RYR3: variants seen among roughly 807,000 people sequenced by gnomAD.
RYR3 encodes the protein ryanodine receptor 3.
A neutral mutation model predicts 584.3 loss-of-function variants in RYR3; 207 were observed. That is an observed-to-expected ratio of 0.35 (90% confidence interval 0.32 to 0.40). The LOEUF (loss-of-function observed/expected upper bound fraction) is 0.40, where lower values mean the gene tolerates loss of function less well. RYR3 is among the 10% of genes least tolerant of loss of function. The pLI, the probability that RYR3 is intolerant of heterozygous loss-of-function variation, is 1.00. For synonymous variants in RYR3, 2,416 were observed against 2,248.5 expected, an observed-to-expected ratio of 1.07 and a Z score of -2.11; for missense variants, 5,616 against 6,089.2, an observed-to-expected ratio of 0.92 and a Z score of 2.59.
chr15:33,505,458 A>G (rs972242281), intron 3 of RYR3, among the ~76,000 whole-genome samples: 3 of 152,250 alleles, frequency 2.0e-5, no homozygotes, highest in East Asian at 1.9e-4. Context: ...AGCATCTTAT[A>G]TCTTCCACAT....
Position 33,662,937 on chromosome 15 carries a change from G to C in RYR3, c.5407G>C (p.Val1803Leu), listed in dbSNP as rs377018905. 1.8e-4 allele frequency: 287 copies of C among 1,611,810 alleles called. No individual in the cohort carries two copies. Among genetic ancestry groups the C allele is most frequent in the Non-Finnish European group, 2.1e-4 (247 of 1,178,980 alleles). ...GLLQTRLPES[V>L]KLQMCELLSY... is the part of the protein sequence containing the mutation. ...GTTGCAGACTCGATTACCCGAATCC[G>C]TCAAGCTGCAGGTAAGCTGCAGGTG... The change falls in exon 35 of 104, where the codon GTC (valine) becomes CTC (leucine). Residue 1803 changes from valine to leucine, a missense_variant. This residue lies in a region of RYR3 where 753 missense variants were observed against 741.0 expected (regional missense o/e 1.02). Transcript: ENST00000634891.
At chr15:33,784,476 A>C (rs2074582780) in intron 65 of RYR3, among the ~76,000 whole-genome samples, 1 of 152,258 alleles carries the variant, frequency 6.6e-6, no homozygotes, top group African/African-American at 2.4e-5. Flanking sequence ...ATGTATGAGA[A>C]CTTTGCATTT....
intron 1 of RYR3, among the ~76,000 whole-genome samples, chr15:33,445,625 C>A (rs1294521146): frequency 6.8e-6 from 1 of 146,716 alleles, no homozygotes. Flanking sequence ...CTCCTCATCC[C>A]ATTTTTCTAC....
chr15:33,380,173 C>T (rs1667170199), intron 1 of RYR3, among the ~76,000 whole-genome samples: 1 of 152,184 alleles, frequency 6.6e-6, no homozygotes, highest in Non-Finnish European at 1.5e-5. Context: ...TACCAGCCAT[C>T]TAGGCCTCCT....
chr15:33,662,170 A>T lies in RYR3; in HGVS notation c.4640A>T (p.Glu1547Val), dbSNP rs1487780532. The T allele has an allele frequency of 6.3e-7, 1 of 1,598,854 alleles. No individual in the cohort carries two copies. ...PEENRCVDIL[E>V]LCEQEDLMRF... is the part of the protein sequence containing the mutation. ...GTCCTCAGGTGTGTGGATATCCTGG[A>T]GCTCTGTGAGCAGGAGGACCTGATG... Residue 1547 changes from glutamate to valine, a missense_variant, in exon 35 of 104, where the codon GAG (glutamate) becomes GTG (valine). Glu to Val is a moderately radical substitution (Grantham distance 121, BLOSUM62 -2). Coordinates refer to ENST00000634891, the MANE Select transcript of RYR3 (RefSeq NM_001036.6).
chr15:33,736,309 G>A lies in RYR3; in HGVS notation c.7499G>A (p.Cys2500Tyr). Reference protein sequence around the residue: ...VFDVPQLNEYCKMPLKLLTNH... With the variant: ...VFDVPQLNEYYKMPLKLLTNH... ...GATGTGCCGCAACTCAATGAATACT[G>A]CAAAATGCCTCTCAAGGTAAACATC... The change falls in exon 49 of 104, where the codon TGC becomes TAC. Residue 2500 changes from cysteine (C) to tyrosine (Y), a missense_variant. By Grantham distance (194) the Cys-to-Tyr change is radical. Transcript: ENST00000634891. The A allele has an allele frequency of 6.2e-7, 1 of 1,610,866 alleles. No individual in the cohort carries two copies. Among genetic ancestry groups the A allele is most frequent in the Non-Finnish European group, 8.5e-7 (1 of 1,178,204 alleles).
At chr15:33,659,924 C>A (rs1004665007) in intron 33 of RYR3, 118 bp downstream of exon 33, 2 of 720,168 alleles carry the variant, frequency 2.8e-6, no homozygotes, top group South Asian at 3.4e-5. Flanking sequence ...ATAAGCCCCC[C>A]ACCCCCAGGC....
chr15:33,748,565 A>C, intron 55 of RYR3, 35 bp downstream of exon 55: 1 of 1,557,430 alleles, frequency 6.4e-7, no homozygotes, highest in Non-Finnish European at 8.8e-7. Context: ...CTTGCTTTCA[A>C]GTGCAGGACG....
At chr15:33,336,008 TAAAAC>T (rs1224440545) in intron 1 of RYR3, among the ~76,000 whole-genome samples, 1 of 152,156 alleles carries the variant, frequency 6.6e-6, no homozygotes, top group African/African-American at 2.4e-5. Context: ...AAAGATTTCA[TAAAAC>T]AAAGCCAAAT....
chr15:33,420,684 C>A (rs2044176216), intron 1 of RYR3, among the ~76,000 whole-genome samples: 1 of 151,652 alleles, frequency 6.6e-6, no homozygotes, highest in South Asian at 2.1e-4. Context: ...TTTTTTAAAA[C>A]AATCTCACAA....
chr15:33,627,994 A>G (rs2061078418), intron 20 of RYR3, among the ~76,000 whole-genome samples: 1 of 152,220 alleles, frequency 6.6e-6, no homozygotes, highest in South Asian at 2.1e-4. Context: ...AACAAAAAGC[A>G]AAAATAAAAA....
chr15:33,809,614 T>C (rs1437725481), intron 70 of RYR3, among the ~76,000 whole-genome samples: 60 of 7,794 alleles, frequency 7.7e-3, no homozygotes, highest in East Asian at 0.012. Context: ...CTCTCTCTCT[T>C]TTTTTTTTTT....
At position 33,656,973 on chromosome 15, in the gene RYR3, TGCCTTTTGCCG is replaced by T. The variant is rs574500964; in HGVS notation, c.4309-2746_4309-2736del. On this transcript the variant is annotated intron_variant, in intron 32 of 103. Coordinates refer to ENST00000634891, the MANE Select transcript of RYR3 (RefSeq NM_001036.6). Reference sequence around the variant, plus strand: ...GTACAATTGCATTACATCTGCAGAATGCCTTTTGCCGTGCAACATAGCATGATCATAAGAGT... The same window carrying T: ...GTACAATTGCATTACATCTGCAGAATTGCAACATAGCATGATCATAAGAGT... Among the ~76,000 whole-genome samples the T allele has an allele frequency of 2.4e-3, 372 of 152,316 alleles. 4 individuals carry two copies. Among genetic ancestry groups the T allele is most frequent in the Non-Finnish European group, 7.9e-4 (54 of 68,032 alleles).
At chr15:33,476,953 T>A (rs932855752) in intron 2 of RYR3, among the ~76,000 whole-genome samples, 5 of 152,218 alleles carry the variant, frequency 3.3e-5, no homozygotes, top group African/African-American at 9.6e-5. Flanking sequence ...CATTTGCAGC[T>A]ATGCAACCCT....
chr15:33,648,041 G>T (rs1486564928), intron 30 of RYR3, among the ~76,000 whole-genome samples: 3 of 142,966 alleles, frequency 2.1e-5, no homozygotes, highest in African/African-American at 7.7e-5. Flanking sequence ...CAACCCTTCT[G>T]TAAAGTTATC....
chr15:33,816,973 C>T lies in RYR3; in HGVS notation c.10599+15C>T, dbSNP rs759454271. 33 of 1,487,534 alleles carry T rather than the reference C, an allele frequency of 2.2e-5. No homozygotes were observed. In the South Asian group the frequency reaches 3.6e-4, roughly 16 times the overall value. The allele number at this position is 1,487,534 out of a possible 1,614,324, so 92.1% of individuals were successfully genotyped here. On this transcript the variant is annotated intron_variant, in intron 75 of 103. Transcript: ENST00000634891. ...AGGATTTGGCTGTAAGTACTGACTC[C>T]CCTGGGAGCAGATATGAGTGTGGAT... is the stretch of plus-strand genomic sequence containing the variant.
intron 1 of RYR3, among the ~76,000 whole-genome samples, chr15:33,319,352 G>C (rs1266519287): frequency 6.6e-6 from 1 of 152,166 alleles, no homozygotes; most frequent in Non-Finnish European, 1.5e-5. Flanking sequence ...GATCAAAATA[G>C]GACAGCTGGT....
chr15:33,357,485 A>C (rs1009046140), intron 1 of RYR3, among the ~76,000 whole-genome samples: 3 of 152,148 alleles, frequency 2.0e-5, no homozygotes, highest in Non-Finnish European at 4.4e-5. Context: ...TGGCATTCAA[A>C]ACCTTCAAAT....
intron 89 of RYR3, among the ~76,000 whole-genome samples, chr15:33,840,187 A>G (rs72716818): frequency 0.13 from 19,094 of 152,214 alleles, 1,479 homozygotes; most frequent in Middle Eastern, 0.21. Context: ...AGCAGCAGGC[A>G]CGTGAAAAGC....
Sources: gnomAD v4.1 joint callset for allele counts (sites outside exome capture counted in the v4.1 genomes callset) on GRCh38, gnomAD v4.1.1 for gene constraint, gnomAD v4.1.1 regional missense constraint, MANE v1.5 for transcripts, NCBI Gene and HGNC (gene_info 2026-07-23, HGNC 2026-07-21) for gene names.